Variants in NFYC observed in about 807,000 individuals in gnomAD.
NFYC encodes the protein nuclear transcription factor Y subunit gamma, also known as CAAT box DNA-binding protein subunit C.
A neutral mutation model predicts 53.1 loss-of-function variants in NFYC; 25 were observed. The ratio of observed to expected loss-of-function variants is 0.47; its 90% CI spans 0.34 to 0.66. The LOEUF is 0.66. Among genes scored for constraint, NFYC ranks in the 30% least tolerant of loss-of-function variants. The probability of loss-of-function intolerance (pLI) is 0.01; values close to 1 mark genes in which losing one functional copy is unlikely to be tolerated. For synonymous variants in NFYC, 145 were observed against 152.6 expected, an observed-to-expected ratio of 0.95 and a Z score of 0.37; for missense variants, 260 against 422.7, an observed-to-expected ratio of 0.62 and a Z score of 3.38.
chr1:40,715,425 G>A (rs1227825816), intron 1 of NFYC, among the ~76,000 whole-genome samples: 1 of 147,970 alleles, frequency 6.8e-6, no homozygotes, highest in Non-Finnish European at 1.5e-5. Context: ...TTTTTTTCCT[G>A]TAGAAATGGA....
In NFYC at chr1:40,747,537, G is replaced by C. The variant is rs1466590677; in HGVS notation, c.109G>C (p.Asp37His). ...CATCTCTTGTTGTTCATTTCAGAAA[G>C]ACTTCCGAGTGCAGGAACTCCCACT... ...MEEIRNLTVKDFRVQELPLAR... is the reference protein window; with the variant it reads ...MEEIRNLTVKHFRVQELPLAR... The change falls in exon 3 of 10, where the codon GAC (aspartate) becomes CAC (histidine). Residue 37 changes from aspartate to histidine, a missense_variant. Physicochemically the swap from Asp to His is moderately conservative, Grantham distance 81. Coordinates refer to ENST00000447388, the MANE Select transcript of NFYC (RefSeq NM_014223.5). 6.2e-7 allele frequency: 1 copy of C among 1,612,076 alleles called. No individual in the cohort carries two copies. Among genetic ancestry groups the C allele is most frequent in the Admixed American group, 1.7e-5 (1 of 59,988 alleles).
intron 1 of NFYC, among the ~76,000 whole-genome samples, chr1:40,734,356 A>T (rs1644918694): frequency 6.6e-6 from 1 of 151,122 alleles, no homozygotes; most frequent in South Asian, 2.1e-4. Context: ...TTATTTATTT[A>T]TTTATTTATT....
intron 1 of NFYC, among the ~76,000 whole-genome samples, chr1:40,726,129 T>G (rs151186705): frequency 0.32 from 47,264 of 149,982 alleles, 8,020 homozygotes; most frequent in East Asian, 0.41. Flanking sequence ...GTGTGTGTTT[T>G]TTTTTGAGAT....
chr1:40,753,137 C>G lies in NFYC; in HGVS notation c.292-14C>G. 2 of 1,598,078 alleles carry G rather than the reference C, an allele frequency of 1.3e-6. No individual in the cohort carries two copies. Among genetic ancestry groups the G allele is most frequent in the Non-Finnish European group, 1.7e-6 (2 of 1,166,034 alleles). On this transcript the variant is annotated splice_polypyrimidine_tract_variant and intron_variant, in intron 4 of 9. Coordinates refer to ENST00000447388, the MANE Select transcript of NFYC (RefSeq NM_014223.5). ...CCCCAGGCTAATTTTTCACACCGCT[C>G]TTCTTTGTTACAGAGAAATGATATC...
intron 1 of NFYC, among the ~76,000 whole-genome samples, chr1:40,693,457 T>A (rs905403715): frequency 6.6e-6 from 1 of 152,240 alleles, no homozygotes; most frequent in African/African-American, 2.4e-5. Flanking sequence ...ATGGTACTCT[T>A]CTGTTTTCAT....
intron 1 of NFYC, among the ~76,000 whole-genome samples, chr1:40,704,793 C>T (rs1240342011): frequency 2.0e-5 from 3 of 152,174 alleles, no homozygotes; most frequent in African/African-American, 7.2e-5. Context: ...GGTGAAAAAC[C>T]TGGGTTTCCA....
intron 1 of NFYC, among the ~76,000 whole-genome samples, chr1:40,736,630 G>T (rs57770417): frequency 3.3e-5 from 5 of 151,106 alleles, no homozygotes; most frequent in African/African-American, 1.2e-4. Flanking sequence ...TAATTAAACT[G>T]TTCTTGCATT....
intron 1 of NFYC, among the ~76,000 whole-genome samples, chr1:40,711,344 A>G (rs1363634630): frequency 1.3e-5 from 2 of 152,154 alleles, no homozygotes; most frequent in Non-Finnish European, 2.9e-5. Flanking sequence ...ATTTAAATTT[A>G]TTTGTTTGTC....
intron 1 of NFYC, among the ~76,000 whole-genome samples, chr1:40,716,135 G>T (rs896232029): frequency 6.6e-6 from 1 of 152,096 alleles, no homozygotes; most frequent in African/African-American, 2.4e-5. Context: ...AATTCACCAC[G>T]CATGCATGTC....
At chr1:40,702,841 G>C (rs778216394) in intron 1 of NFYC, among the ~76,000 whole-genome samples, 25 of 151,860 alleles carry the variant, frequency 1.6e-4, no homozygotes, top group Non-Finnish European at 3.1e-4. Flanking sequence ...TTTTGAGATG[G>C]AGTCTCACTC....
At chr1:40,749,176 T>C (rs1395137632) in intron 3 of NFYC, among the ~76,000 whole-genome samples, 1 of 152,234 alleles carries the variant, frequency 6.6e-6, no homozygotes, top group Admixed American at 6.5e-5. Context: ...ATGGGAAGCC[T>C]GCAATTTTAT....
At chr1:40,747,716 C>T in intron 3 of NFYC, 111 bp downstream of exon 3, 1 of 718,796 alleles carries the variant, frequency 1.4e-6, no homozygotes, top group Admixed American at 2.7e-5. Flanking sequence ...ACAAAAATTA[C>T]TGTCTGTTGC....
intron 1 of NFYC, among the ~76,000 whole-genome samples, chr1:40,735,942 A>C (rs1180566400): frequency 6.6e-6 from 1 of 152,216 alleles, no homozygotes; most frequent in Non-Finnish European, 1.5e-5. Flanking sequence ...TTCTCAGTAC[A>C]TCTAAGAGAG....
At chr1:40,734,062 T>G (rs1365017296) in intron 1 of NFYC, among the ~76,000 whole-genome samples, 5 of 152,168 alleles carry the variant, frequency 3.3e-5, no homozygotes, top group Non-Finnish European at 7.4e-5. Flanking sequence ...AATCCTTTTT[T>G]TAGAGACAGA....
chr1:40,730,216 T>G (rs1046015857), intron 1 of NFYC, among the ~76,000 whole-genome samples: 3 of 141,276 alleles, frequency 2.1e-5, no homozygotes, highest in Non-Finnish European at 4.6e-5. Context: ...TTTTTTTTTT[T>G]TGGTAGAGAT....
At position 40,691,873 on chromosome 1, in the gene NFYC, TGA is replaced by T. The variant is rs1642813355; in HGVS notation, c.-9+8_-9+9del. On this transcript the variant is annotated splice_region_variant and intron_variant, in intron 1 of 9. Transcript: ENST00000447388. Reference sequence around the variant, plus strand: ...TCCTGGACTCCTGAGCAGAGGTGTGTGAGTGTGCGGGAGTTTCTGTGCGAGGG... The same window carrying T: ...TCCTGGACTCCTGAGCAGAGGTGTGTGTGTGCGGGAGTTTCTGTGCGAGGG... The T allele has an allele frequency of 5.0e-6, 2 of 399,832 alleles. No individual in the cohort carries two copies. The highest frequency in any genetic ancestry group is 3.4e-5 in the South Asian group (2 of 59,570). The allele number at this position is 399,832 out of a possible 1,614,324, so 24.8% of individuals were successfully genotyped here.
chr1:40,706,274 G>C (rs1229697820), intron 1 of NFYC, among the ~76,000 whole-genome samples: 1 of 151,864 alleles, frequency 6.6e-6, no homozygotes, highest in Non-Finnish European at 1.5e-5. Flanking sequence ...CTTTCTCACT[G>C]GTAGAAGGGT....
chr1:40,715,086 C>CAATAAATA (rs59310200), intron 1 of NFYC, among the ~76,000 whole-genome samples: 25,529 of 142,384 alleles, frequency 0.18, 2,522 homozygotes, highest in African/African-American at 0.22. Context: ...TGTCTCAAAA[C>CAATAAATA]AATAAATAAA....
chr1:40,695,378 C>A (rs1451778492), intron 1 of NFYC, among the ~76,000 whole-genome samples: 1 of 152,152 alleles, frequency 6.6e-6, no homozygotes, highest in East Asian at 1.9e-4. Flanking sequence ...ATGGGCTAAA[C>A]CCATTCTGTG....
Sources: gnomAD v4.1 joint callset for allele counts (sites outside exome capture counted in the v4.1 genomes callset) on GRCh38, gnomAD v4.1.1 for gene constraint, MANE v1.5 for transcripts, NCBI Gene and HGNC (gene_info 2026-07-23, HGNC 2026-07-21) for gene names.